The following FUT8 variants were observed in gnomAD, a reference collection of about 807,000 sequenced individuals.
FUT8 encodes alpha-(1,6)-fucosyltransferase.
A neutral mutation model predicts 71.3 loss-of-function variants in FUT8; 29 were observed. The ratio of observed to expected loss-of-function variants is 0.41; its 90% CI spans 0.30 to 0.55. FUT8 has a LOEUF of 0.55. Among genes scored for constraint, FUT8 ranks in the 20% least tolerant of loss-of-function variants. The pLI, the probability that FUT8 is intolerant of heterozygous loss-of-function variation, is 0.34. For missense variants in FUT8, 544 were observed against 702.1 expected (o/e 0.77, Z 2.55); for synonymous variants, 254 against 239.3 (o/e 1.06, Z -0.57).
At chr14:65,706,941 T>C (rs1265676527) in intron 7 of FUT8, among the ~76,000 whole-genome samples, 1 of 152,212 alleles carries the variant, frequency 6.6e-6, no homozygotes, top group East Asian at 1.9e-4. Flanking sequence ...AAATGTATAG[T>C]GCTAACTTAT....
At chr14:65,387,535 T>A in the FUT8 span, among the ~76,000 whole-genome samples, 1 of 152,198 alleles carries the variant, frequency 6.6e-6, no homozygotes, top group Non-Finnish European at 1.5e-5. Context: ...TATCTGGTAA[T>A]CTACCCTACG....
At chr14:65,380,484 G>A in the FUT8 span, among the ~76,000 whole-genome samples, 1 of 152,198 alleles carries the variant, frequency 6.6e-6, no homozygotes, top group Non-Finnish European at 1.5e-5. Flanking sequence ...TATTTTAGAG[G>A]CATGGTTCAG....
At chr14:65,697,072 A>G (rs1438187599) in intron 7 of FUT8, among the ~76,000 whole-genome samples, 1 of 152,064 alleles carries the variant, frequency 6.6e-6, no homozygotes, top group Non-Finnish European at 1.5e-5. Context: ...GTATCTTCAG[A>G]CTATATTTTT....
intron 2 of FUT8, among the ~76,000 whole-genome samples, chr14:65,554,712 T>C (rs1333976805): frequency 6.6e-6 from 1 of 152,150 alleles, no homozygotes; most frequent in African/African-American, 2.4e-5. Flanking sequence ...AGTGGACTGC[T>C]TGCTGCTTCT....
intron 1 of FUT8, among the ~76,000 whole-genome samples, chr14:65,427,098 G>A (rs111721344): frequency 2.6e-5 from 4 of 152,046 alleles, no homozygotes; most frequent in Non-Finnish European, 5.9e-5. Context: ...TCCTGACCTC[G>A]TGATCCGCCC....
At chr14:65,585,850 T>G (rs1303230269) in intron 3 of FUT8, among the ~76,000 whole-genome samples, 1 of 152,158 alleles carries the variant, frequency 6.6e-6, no homozygotes, top group Non-Finnish European at 1.5e-5. Flanking sequence ...CATGGTGCCT[T>G]GTAACATAAT....
intron 2 of FUT8, chr14:65,479,772 G>A (rs982491368): frequency 3.9e-5 from 6 of 152,080 alleles, no homozygotes; most frequent in African/African-American, 1.2e-4. Context: ...AACAAGAATT[G>A]GTGTCCAGAA....
At chr14:65,673,139 C>T (rs943000703) in intron 7 of FUT8, among the ~76,000 whole-genome samples, 19 of 152,158 alleles carry the variant, frequency 1.2e-4, no homozygotes, top group African/African-American at 3.9e-4. Flanking sequence ...GCCCTGGAGG[C>T]GAGGTGCCTG....
At chr14:65,626,360 G>A (rs1889895804) in intron 5 of FUT8, among the ~76,000 whole-genome samples, 1 of 152,172 alleles carries the variant, frequency 6.6e-6, no homozygotes, top group Admixed American at 6.5e-5. Context: ...GTAGGAGATA[G>A]AACCAAAATT....
chr14:65,442,461 C>T lies in FUT8; in HGVS notation c.-325-13160C>T, dbSNP rs138877247. ...CTGGGATTACAGGAGTGAGCCACCA[C>T]GCCTGGCCAAGGGTGGACATTTGAG... is the stretch of plus-strand genomic sequence containing the variant. On this transcript the variant is annotated intron_variant, in intron 1 of 10. Transcript: ENST00000673929. 9.3e-3 allele frequency among the ~76,000 whole-genome samples: 1,407 copies of T among 151,830 alleles called. 22 individuals are homozygous for T. Among genetic ancestry groups the T allele is most frequent in the African/African-American group, 0.032 (1,345 of 41,412 alleles).
chr14:65,700,381 G>GTT (rs763718984), intron 7 of FUT8, among the ~76,000 whole-genome samples: 3,803 of 48,874 alleles, frequency 0.078, 1,225 homozygotes, highest in African/African-American at 0.087. Context: ...CTTTCTTTCT[G>GTT]TTTTTTTTTT....
At chr14:65,525,377 G>A (rs1883381939) in intron 2 of FUT8, among the ~76,000 whole-genome samples, 1 of 152,148 alleles carries the variant, frequency 6.6e-6, no homozygotes, top group African/African-American at 2.4e-5. Context: ...TTCTCTGATG[G>A]TAGTTTGTAT....
In FUT8 at chr14:65,444,845, G is replaced by T. The variant is rs116024810; in HGVS notation, c.-325-10776G>T. On this transcript the variant is annotated intron_variant, in intron 1 of 10. Transcript: ENST00000673929. Reference sequence around the variant, plus strand: ...CCAATGCAACAGTGTTGGGAGGGGGGCCCAATGGAAGGTGTATGTATTGGT... The same window carrying T: ...CCAATGCAACAGTGTTGGGAGGGGGTCCCAATGGAAGGTGTATGTATTGGT... Among the ~76,000 whole-genome samples, 1,268 of 152,270 alleles carry T rather than the reference G, an allele frequency of 8.3e-3. 18 individuals are homozygous for T. The highest frequency in any genetic ancestry group is 0.029 in the African/African-American group (1,215 of 41,540).
chr14:65,561,485 C>T lies in FUT8; in HGVS notation c.-79C>T, dbSNP rs1188761933. 2.3e-6 allele frequency: 3 copies of T among 1,314,766 alleles called. No individual in the cohort carries two copies. Among genetic ancestry groups the T allele is most frequent in the Non-Finnish European group, 3.3e-6 (3 of 919,166 alleles). 81.4% of individuals were successfully genotyped at this position (1,314,766 alleles called of 1,614,324 possible). A position where few individuals can be genotyped will look rare whatever the true frequency, so the allele number is the denominator to read the frequency against. ...AACAACAGAAGTCTATTCACCTGTG[C>T]ACTAACTAGAAACAGAGTTACAATG... On this transcript the variant is annotated 5_prime_UTR_variant, in exon 3 of 11. Transcript: ENST00000673929.
Position 65,742,432 on chromosome 14 carries a change from C to T in FUT8, c.*22C>T, listed in dbSNP as rs565163458. ...ATAAAGCTCAGATGGAAGAGATAAA[C>T]GACCAAACTCAGTTCGACCAAACTC... On this transcript the variant is annotated 3_prime_UTR_variant, in exon 11 of 11. Coordinates refer to ENST00000673929, the MANE Select transcript of FUT8 (RefSeq NM_001371533.1). The T allele has an allele frequency of 2.3e-4, 363 of 1,596,692 alleles. No homozygotes were observed. The highest frequency in any genetic ancestry group is 6.9e-4 in the South Asian group (62 of 89,370).
the FUT8 span, among the ~76,000 whole-genome samples, chr14:65,363,090 T>G: frequency 6.6e-6 from 1 of 151,460 alleles, no homozygotes; most frequent in Non-Finnish European, 1.5e-5. Flanking sequence ...TATTTTAAAC[T>G]GAAGGAATTT....
In FUT8 at chr14:65,643,515, G is replaced by A. The variant is rs536823959; in HGVS notation, c.597+13909G>A. ...TAAAAATACAAAAGATTAGCCGGGC[G>A]TGGTGGCGGGCACCTGTAGTCTCAG... On this transcript the variant is annotated intron_variant, in intron 6 of 10. Coordinates refer to ENST00000673929, the MANE Select transcript of FUT8 (RefSeq NM_001371533.1). The surrounding 1 kb of genome is among the most constrained non-coding windows in gnomAD (Gnocchi z 4.5). 6.6e-6 allele frequency among the ~76,000 whole-genome samples: 1 copy of A among 152,086 alleles called. No homozygotes were observed. The highest frequency in any genetic ancestry group is 2.4e-5 in the African/African-American group (1 of 41,400).
chr14:65,440,986 C>G (rs2065646017), intron 1 of FUT8, among the ~76,000 whole-genome samples: 1 of 152,024 alleles, frequency 6.6e-6, no homozygotes, highest in Non-Finnish European at 1.5e-5. Context: ...GCTAGCAAAA[C>G]TAGAGCTACA....
At chr14:65,737,800 A>T (rs1460061732) in intron 10 of FUT8, among the ~76,000 whole-genome samples, 2 of 152,052 alleles carry the variant, frequency 1.3e-5, no homozygotes, top group Non-Finnish European at 2.9e-5. Context: ...ACCTCCCTTT[A>T]TGGCAGTTAT....
Sources: gnomAD v4.1 joint callset for allele counts (sites outside exome capture counted in the v4.1 genomes callset) on GRCh38, gnomAD v4.1.1 for gene constraint, Gnocchi (gnomAD v3.1) non-coding constraint, MANE v1.5 for transcripts, NCBI Gene and HGNC (gene_info 2026-07-23, HGNC 2026-07-21) for gene names.